CCSER1: variants seen among roughly 807,000 people sequenced by gnomAD.
The protein encoded by CCSER1 is serine-rich coiled-coil domain-containing protein 1.
In CCSER1, 41 loss-of-function variants were observed where a neutral mutation model predicts 82.0. That is an observed-to-expected ratio of 0.50 (90% confidence interval 0.39 to 0.65). CCSER1 has a LOEUF of 0.65. Among genes scored for constraint, CCSER1 ranks in the 30% least tolerant of loss-of-function variants. CCSER1 has a pLI of 0.00. For synonymous variants in CCSER1, 414 were observed against 383.9 expected, an observed-to-expected ratio of 1.08 and a Z score of -0.92; for missense variants, 1,119 against 1,064.2, an observed-to-expected ratio of 1.05 and a Z score of -0.72.
intron 10 of CCSER1, among the ~76,000 whole-genome samples, chr4:91,110,322 C>T (rs1269297141): frequency 6.6e-6 from 1 of 151,910 alleles, no homozygotes; most frequent in Non-Finnish European, 1.5e-5. Context: ...AGTGCTTGCT[C>T]CTTATAGGAT....
intron 10 of CCSER1, among the ~76,000 whole-genome samples, chr4:91,134,215 A>G (rs1490699908): frequency 2.0e-5 from 3 of 152,174 alleles, no homozygotes; most frequent in Non-Finnish European, 4.4e-5. Context: ...TAGCATAGCC[A>G]GATGCTGTCT....
At chr4:90,381,014 G>A (rs1484760521) in intron 3 of CCSER1, among the ~76,000 whole-genome samples, 2 of 152,234 alleles carry the variant, frequency 1.3e-5, no homozygotes, top group Non-Finnish European at 2.9e-5. Context: ...GGCACTGATG[G>A]CACCCAGGAG....
intron 3 of CCSER1, among the ~76,000 whole-genome samples, chr4:90,319,198 G>T (rs1487098138): frequency 6.6e-6 from 1 of 152,106 alleles, no homozygotes; most frequent in Non-Finnish European, 1.5e-5. Context: ...CAGTAAAGAA[G>T]AACGTACAAA....
intron 10 of CCSER1, among the ~76,000 whole-genome samples, chr4:91,504,275 T>C (rs1015583868): frequency 6.6e-6 from 1 of 152,202 alleles, no homozygotes; most frequent in African/African-American, 2.4e-5. Context: ...TGAAACTTTA[T>C]TAACTATGCT....
chr4:91,144,057 G>A (rs1354749809), intron 10 of CCSER1, among the ~76,000 whole-genome samples: 1 of 151,898 alleles, frequency 6.6e-6, no homozygotes, highest in African/African-American at 2.4e-5. Context: ...TTTTGTACCA[G>A]CTCTTCTTTG....
chr4:90,407,805 C>T (rs528826081), intron 4 of CCSER1, among the ~76,000 whole-genome samples: 140 of 152,122 alleles, frequency 9.2e-4, no homozygotes, highest in Middle Eastern at 3.4e-3. Context: ...GTGGGTGTGG[C>T]GCACCCTACA....
chr4:90,351,054 A>C (rs909881963), intron 3 of CCSER1, among the ~76,000 whole-genome samples: 4 of 152,186 alleles, frequency 2.6e-5, no homozygotes, highest in African/African-American at 9.6e-5. Context: ...CGAAAGGGAA[A>C]AATAACAAGA....
chr4:90,455,404 C>G (rs1353639730), intron 4 of CCSER1, among the ~76,000 whole-genome samples: 1 of 152,022 alleles, frequency 6.6e-6, no homozygotes, highest in East Asian at 1.9e-4. Context: ...GAAGAGAGAA[C>G]AGAGGAGGAA....
At chr4:90,633,469 A>G (rs1348065138) in intron 6 of CCSER1, among the ~76,000 whole-genome samples, 1 of 151,982 alleles carries the variant, frequency 6.6e-6, no homozygotes, top group Non-Finnish European at 1.5e-5. Context: ...CTTTCTATGC[A>G]GTAGATGGCT....
At chr4:90,891,936 C>T (rs746838374) in intron 8 of CCSER1, among the ~76,000 whole-genome samples, 15 of 152,024 alleles carry the variant, frequency 9.9e-5, no homozygotes, top group Non-Finnish European at 2.1e-4. Context: ...AAGATCTATA[C>T]TGGAGAGTAG....
intron 8 of CCSER1, among the ~76,000 whole-genome samples, chr4:90,900,582 T>A (rs1215632652): frequency 2.0e-5 from 3 of 151,970 alleles, no homozygotes; most frequent in African/African-American, 4.8e-5. Flanking sequence ...GGTTTTTATT[T>A]TGTTTGTTGT....
At chr4:90,791,203 A>G (rs138735679) in intron 7 of CCSER1, among the ~76,000 whole-genome samples, 18 of 152,296 alleles carry the variant, frequency 1.2e-4, no homozygotes, top group Admixed American at 3.9e-4. Flanking sequence ...AACTGTCCCA[A>G]TGATTCAATT....
chr4:90,339,200 G>A (rs549734618), intron 3 of CCSER1, among the ~76,000 whole-genome samples: 1 of 152,178 alleles, frequency 6.6e-6, no homozygotes, highest in Non-Finnish European at 1.5e-5. Context: ...TTCCTTCTCT[G>A]AGAACTCACA....
intron 10 of CCSER1, among the ~76,000 whole-genome samples, chr4:91,482,456 G>T (rs1280789748): frequency 6.0e-5 from 9 of 150,152 alleles, no homozygotes; most frequent in Non-Finnish European, 1.3e-4. Flanking sequence ...AGGTGCTGGA[G>T]AGGATGTGTA....
chr4:91,543,528 C>G (rs1250022290), intron 10 of CCSER1, among the ~76,000 whole-genome samples: 1 of 152,122 alleles, frequency 6.6e-6, no homozygotes, highest in Non-Finnish European at 1.5e-5. Flanking sequence ...ATTTGCTTGG[C>G]TGTAAAGGAT....
chr4:90,341,475 A>T (rs1741373173), intron 3 of CCSER1, among the ~76,000 whole-genome samples: 1 of 152,216 alleles, frequency 6.6e-6, no homozygotes, highest in East Asian at 1.9e-4. Flanking sequence ...ATATCCTTTT[A>T]ATAAACCTAG....
intron 1 of CCSER1, among the ~76,000 whole-genome samples, chr4:90,203,991 T>G (rs1465781058): frequency 6.6e-6 from 1 of 152,218 alleles, no homozygotes; most frequent in Non-Finnish European, 1.5e-5. Flanking sequence ...AAATGTCTAT[T>G]TTTGAGAAGT....
Position 91,320,786 on chromosome 4 carries a change from TATCTC to T in CCSER1, c.2217+234793_2217+234797del, listed in dbSNP as rs1277948594. The stretch of plus-strand genomic sequence containing the variant: ...CCAGGAAAGCACAGTTTCCCATTCT[TATCTC>T]TGGTTCATCTTTCTGCCGCAATTGA... On this transcript the variant is annotated intron_variant, in intron 10 of 10. Coordinates refer to ENST00000509176, the MANE Select transcript of CCSER1 (RefSeq NM_001145065.2). Among the ~76,000 whole-genome samples the T allele has an allele frequency of 1.6e-4, 24 of 152,196 alleles. No individual in the cohort carries two copies. The East Asian group carries it at 4.7e-3, about 30-fold the overall frequency.
At chr4:91,550,649 A>G (rs1032403328) in intron 10 of CCSER1, among the ~76,000 whole-genome samples, 1 of 152,164 alleles carries the variant, frequency 6.6e-6, no homozygotes, top group East Asian at 1.9e-4. Context: ...TAAAATTGAG[A>G]GCTTCTTGGG....
Sources: gnomAD v4.1 joint callset for allele counts (sites outside exome capture counted in the v4.1 genomes callset) on GRCh38, gnomAD v4.1.1 for gene constraint, MANE v1.5 for transcripts, NCBI Gene and HGNC (gene_info 2026-07-23, HGNC 2026-07-21) for gene names.